DNAH12: variants seen among roughly 807,000 people sequenced by gnomAD.
DNAH12 encodes the protein dynein axonemal heavy chain 12, also known as axonemal beta dynein heavy chain 12.
In DNAH12, 285 loss-of-function variants were observed where a neutral mutation model predicts 371.5. The observed-to-expected ratio is 0.77, with a 90% confidence interval of 0.70 to 0.85. DNAH12 has a LOEUF of 0.85. Ranked by LOEUF, DNAH12 falls within the 40% of genes least tolerant of loss-of-function variation. The pLI, the probability that DNAH12 is intolerant of heterozygous loss-of-function variation, is 0.00. For synonymous variants in DNAH12, 1,200 were observed against 1,213.0 expected, an observed-to-expected ratio of 0.99 and a Z score of 0.22; for missense variants, 3,611 against 3,689.4, an observed-to-expected ratio of 0.98 and a Z score of 0.55.
rs950430454 is a variant in DNAH12 at position 57,480,687 on chromosome 3, T to C, written c.1650+2689A>G. On this transcript the variant is annotated intron_variant, in intron 13 of 73. Coordinates refer to ENST00000495027, the MANE Select transcript of DNAH12 (RefSeq NM_001366028.2). ...AATCCTCACTAAAATACTGGCAAACTGAATCCAGCAGCACATCAAAAAGCT... is the reference window on the plus strand; with the variant it reads ...AATCCTCACTAAAATACTGGCAAACCGAATCCAGCAGCACATCAAAAAGCT... Among the ~76,000 whole-genome samples the C allele has an allele frequency of 5.9e-5, 9 of 152,138 alleles. No individual in the cohort carries two copies. In the East Asian group the frequency reaches 7.7e-4, roughly 13 times the overall value.
Position 57,451,460 on chromosome 3 carries a change from A to AC in DNAH12, c.3786+1382dup, listed in dbSNP as rs1288386556. ...AGCTTGGGCAAGCAACGTGGCTGAA[A>AC]CCCCATCTCTACTAAAAAAATACAA... On this transcript the variant is annotated intron_variant, in intron 25 of 73. Coordinates refer to ENST00000495027, the MANE Select transcript of DNAH12 (RefSeq NM_001366028.2). Among the ~76,000 whole-genome samples, 6 of 151,826 alleles carry AC rather than the reference A, an allele frequency of 4.0e-5. 1 individual carries two copies. Among genetic ancestry groups the AC allele is most frequent in the African/African-American group, 1.5e-4 (6 of 41,318 alleles).
chr3:57,433,852 T>G (rs1346572855), intron 30 of DNAH12, 24 bp from the exon 31 acceptor site: 9 of 1,498,738 alleles, frequency 6.0e-6, no homozygotes, highest in Non-Finnish European at 7.1e-6. Context: ...GAAATAATTA[T>G]ACAATAAGAG....
intron 62 of DNAH12, among the ~76,000 whole-genome samples, chr3:57,326,717 T>C (rs1472564242): frequency 1.3e-5 from 2 of 152,122 alleles, no homozygotes; most frequent in Non-Finnish European, 1.5e-5. Context: ...CAATATTAAC[T>C]TTAAATGTAA....
intron 44 of DNAH12, among the ~76,000 whole-genome samples, chr3:57,393,776 A>G (rs1240795542): frequency 6.6e-6 from 1 of 152,110 alleles, no homozygotes; most frequent in African/African-American, 2.4e-5. Flanking sequence ...TCAAACCCAT[A>G]AGATAGTTTT....
chr3:57,424,364 G>A (rs976331923), intron 35 of DNAH12, among the ~76,000 whole-genome samples: 19 of 151,214 alleles, frequency 1.3e-4, no homozygotes, highest in Non-Finnish European at 2.4e-4. Context: ...CCAGCTACTC[G>A]GGAGGCTGGG....
At chr3:57,365,862 C>CATAA (rs1553665644) in intron 57 of DNAH12, among the ~76,000 whole-genome samples, 1 of 147,946 alleles carries the variant, frequency 6.8e-6, no homozygotes, top group Non-Finnish European at 1.5e-5. Context: ...TGTGTGTACA[C>CATAA]ATATATATAT....
At chr3:57,322,240 C>A in intron 65 of DNAH12, 103 bp downstream of exon 65, 2 of 1,246,902 alleles carry the variant, frequency 1.6e-6, no homozygotes, top group Non-Finnish European at 2.1e-6. Flanking sequence ...GTTTTAAAAA[C>A]ATTAAATAAA....
the DNAH12 span, among the ~76,000 whole-genome samples, chr3:57,550,530 T>A: frequency 2.0e-5 from 3 of 152,134 alleles, no homozygotes; most frequent in African/African-American, 7.2e-5. Flanking sequence ...TTTTATTTTT[T>A]GAGACAGAGT....
chr3:57,421,440 G>C lies in DNAH12; in HGVS notation c.5562+78C>G. The C allele has an allele frequency of 5.6e-6, 8 of 1,426,104 alleles. No individual in the cohort carries two copies. The South Asian group carries it at 1.1e-4, about 19-fold the overall frequency. 88.3% of individuals were successfully genotyped at this position (1,426,104 alleles called of 1,614,324 possible). The stretch of plus-strand genomic sequence containing the variant: ...ACCGCAGGAGTCAAAATAACTCTAG[G>C]ATGAAAACCCAGGAGCTTTGTCTGC... On this transcript the variant is annotated intron_variant, in intron 36 of 73. Transcript: ENST00000495027.
At chr3:57,419,813 C>T (rs1316809645) in intron 36 of DNAH12, among the ~76,000 whole-genome samples, 1 of 152,074 alleles carries the variant, frequency 6.6e-6, no homozygotes, top group Non-Finnish European at 1.5e-5. Flanking sequence ...ACATATCTAA[C>T]ATTTCAGATA....
intron 30 of DNAH12, among the ~76,000 whole-genome samples, chr3:57,435,431 G>A (rs1444503416): frequency 6.9e-6 from 1 of 144,076 alleles, no homozygotes; most frequent in East Asian, 2.1e-4. Context: ...AGAATAAAAT[G>A]ATTCATGAAA....
chr3:57,389,822 GTA>G (rs1191113593), intron 45 of DNAH12, among the ~76,000 whole-genome samples: 661 of 45,800 alleles, frequency 0.014, 28 homozygotes, highest in African/African-American at 0.026. Context: ...GTGTGTGTGT[GTA>G]TATATATATA....
At chr3:57,468,181 G>A (rs2066258865) in intron 17 of DNAH12, among the ~76,000 whole-genome samples, 1 of 151,932 alleles carries the variant, frequency 6.6e-6, no homozygotes, top group Admixed American at 6.6e-5. Context: ...CCTTCATTTG[G>A]CCATACTCCT....
At chr3:57,379,499 G>A (rs2063343449) in intron 51 of DNAH12, among the ~76,000 whole-genome samples, 1 of 152,044 alleles carries the variant, frequency 6.6e-6, no homozygotes, top group Non-Finnish European at 1.5e-5. Context: ...ATATGCAAAT[G>A]TATTACAGAT....
Position 57,489,816 on chromosome 3 carries a change from T to A in DNAH12, c.1336-129A>T, listed in dbSNP as rs1392499287. 30 of 968,824 alleles carry A rather than the reference T, an allele frequency of 3.1e-5. 1 individual carries two copies. Among genetic ancestry groups the A allele is most frequent in the Admixed American group, 7.7e-5 (2 of 25,998 alleles). The allele number at this position is 968,824 out of a possible 1,614,324, so 60.0% of individuals were successfully genotyped here. On this transcript the variant is annotated intron_variant, in intron 11 of 73. Coordinates refer to ENST00000495027, the MANE Select transcript of DNAH12 (RefSeq NM_001366028.2). ...TTTCTTTTTTGCTAAGTGACTAAAA[T>A]TTTTTCCCTTGTTGCATACATATTT... is the stretch of plus-strand genomic sequence containing the variant.
intron 57 of DNAH12, among the ~76,000 whole-genome samples, chr3:57,365,874 T>TAC (rs1335879548): frequency 6.6e-6 from 1 of 151,416 alleles, no homozygotes; most frequent in African/African-American, 2.4e-5. Context: ...TATATATATA[T>TAC]ATATAAATGT....
chr3:57,416,243 C>A (rs1392288471), intron 37 of DNAH12, among the ~76,000 whole-genome samples: 2 of 152,068 alleles, frequency 1.3e-5, no homozygotes, highest in African/African-American at 4.8e-5. Context: ...TGCCACCACA[C>A]CAGGCTAATT....
At chr3:57,392,387 A>G (rs1051715597) in intron 44 of DNAH12, among the ~76,000 whole-genome samples, 3 of 152,218 alleles carry the variant, frequency 2.0e-5, no homozygotes, top group Non-Finnish European at 2.9e-5. Context: ...ATCAATCAGT[A>G]AGGAACTAGT....
chr3:57,421,137 C>G (rs1346442451), intron 36 of DNAH12, among the ~76,000 whole-genome samples: 1 of 151,964 alleles, frequency 6.6e-6, no homozygotes, highest in Non-Finnish European at 1.5e-5. Context: ...AGCCATTAAT[C>G]TTTTTAGGTT....
Sources: allele counts gnomAD v4.1 joint callset (sites outside exome capture counted in the v4.1 genomes callset), GRCh38; gene constraint gnomAD v4.1.1; transcripts MANE v1.5; gene names NCBI Gene and HGNC (gene_info 2026-07-23, HGNC 2026-07-21).